SCD5: variants seen among roughly 807,000 people sequenced by gnomAD.
The protein encoded by SCD5 is acyl-CoA-desaturase 4.
SCD5 carries 20 observed loss-of-function variants against 30.4 expected under a neutral mutation model. The ratio of observed to expected loss-of-function variants is 0.66; its 90% CI spans 0.46 to 0.96. SCD5 has a LOEUF of 0.96. Ranked by LOEUF, SCD5 falls within the 40% of genes least tolerant of loss-of-function variation. The pLI, the probability that SCD5 is intolerant of heterozygous loss-of-function variation, is 0.00. For synonymous variants in SCD5, 173 were observed against 176.4 expected, an observed-to-expected ratio of 0.98 and a Z score of 0.16; for missense variants, 381 against 443.3, an observed-to-expected ratio of 0.86 and a Z score of 1.26.
Position 82,747,069 on chromosome 4 carries a change from G to GCCCCCCCCCC in SCD5, c.233-41657_233-41656insGGGGGGGGGG, listed in dbSNP as rs151046123. On this transcript the variant is annotated intron_variant, in intron 1 of 4. Coordinates refer to ENST00000319540, the MANE Select transcript of SCD5 (RefSeq NM_001037582.3). ...AGTTAGAGAAAAGTCTGGGCAACCT[G>GCCCCCCCCCC]CCCCCCAAGAAAGACGACCTTCCCA... Among the ~76,000 whole-genome samples, 726 of 139,042 alleles carry GCCCCCCCCCC rather than the reference G, an allele frequency of 5.2e-3. 28 individuals carry two copies. The highest frequency in any genetic ancestry group is 0.011 in the Middle Eastern group (3 of 262). The allele number at this position is 139,042 out of a possible 152,430, so 91.2% of individuals were successfully genotyped here.
intron 1 of SCD5, among the ~76,000 whole-genome samples, chr4:82,716,047 C>A (rs1446486984): frequency 6.9e-6 from 1 of 145,608 alleles, no homozygotes; most frequent in Non-Finnish European, 1.5e-5. Flanking sequence ...TACAATGATA[C>A]CAAGGCAAGC....
intron 1 of SCD5, chr4:82,753,450 G>GC (rs1560553452): frequency 3.9e-6 from 2 of 514,740 alleles, no homozygotes; most frequent in South Asian, 2.9e-5. Context: ...AAAGCAGTGC[G>GC]CCCCAGAGTC....
chr4:82,785,936 T>C (rs1241554018), intron 1 of SCD5, among the ~76,000 whole-genome samples: 2 of 152,220 alleles, frequency 1.3e-5, no homozygotes, highest in African/African-American at 4.8e-5. Flanking sequence ...AGCTTTATTG[T>C]AACCATCTGC....
At chr4:82,660,949 T>C (rs1017511492) in intron 3 of SCD5, 2 of 1,614,190 alleles carry the variant, frequency 1.2e-6, no homozygotes, top group Admixed American at 1.7e-5. Flanking sequence ...ACAATGAGTA[T>C]GTAACAAAGC....
chr4:82,776,726 A>T (rs1300835444), intron 1 of SCD5, among the ~76,000 whole-genome samples: 1 of 152,234 alleles, frequency 6.6e-6, no homozygotes, highest in Non-Finnish European at 1.5e-5. Context: ...AAGAGGAAGA[A>T]GAAGTTCCAT....
At chr4:82,708,356 C>G (rs1403639756) in intron 1 of SCD5, among the ~76,000 whole-genome samples, 2 of 152,116 alleles carry the variant, frequency 1.3e-5, no homozygotes, top group African/African-American at 2.4e-5. Flanking sequence ...CAGAACAAAG[C>G]AATCAAAAAC....
chr4:82,668,328 G>T (rs778102398), intron 3 of SCD5, among the ~76,000 whole-genome samples: 1 of 152,144 alleles, frequency 6.6e-6, no homozygotes, highest in Non-Finnish European at 1.5e-5. Context: ...ATTGAATGGG[G>T]AGGAGCAAAG....
intron 3 of SCD5, among the ~76,000 whole-genome samples, chr4:82,638,675 G>A (rs568290761): frequency 2.0e-5 from 3 of 152,290 alleles, no homozygotes; most frequent in South Asian, 2.1e-4. Flanking sequence ...TCAGCAAGGC[G>A]CTGTTACATC....
At chr4:82,657,655 T>G (rs1727891554) in intron 3 of SCD5, among the ~76,000 whole-genome samples, 1 of 152,214 alleles carries the variant, frequency 6.6e-6, no homozygotes, top group South Asian at 2.1e-4. Context: ...GGTAGCTTGA[T>G]GGGGATAGCA....
rs1727290182 is a variant in SCD5 at position 82,631,445 on chromosome 4, T to A, written c.875A>T (p.Asn292Ile). Residue 292 changes from asparagine (N) to isoleucine (I), a missense_variant, in exon 5 of 5, where the codon AAC becomes ATC. Physicochemically the swap from Asn to Ile is moderately radical, Grantham distance 149. Transcript: ENST00000319540. Reference sequence around the variant, plus strand: ...GAAATCAATGAACCAGGTGGTTGGGTTAAAATTTAAGCCAAATTCACTCGC... The same window carrying A: ...GAAATCAATGAACCAGGTGGTTGGGATAAAATTTAAGCCAAATTCACTCGC... ...YSASEFGLNF[N>I]PTTWFIDFMC... 1 of 1,614,098 alleles carries A rather than the reference T, an allele frequency of 6.2e-7. No homozygotes were observed. Among genetic ancestry groups the A allele is most frequent in the Non-Finnish European group, 8.5e-7 (1 of 1,180,004 alleles).
chr4:82,746,991 A>C (rs1275959623), intron 1 of SCD5, among the ~76,000 whole-genome samples: 1 of 151,970 alleles, frequency 6.6e-6, no homozygotes, highest in Admixed American at 6.6e-5. Flanking sequence ...ACACACCCAC[A>C]GACCAGCAAC....
At chr4:82,679,220 A>AAAAGAAAGAAAGAAAG (rs796703848) in intron 3 of SCD5, among the ~76,000 whole-genome samples, 3 of 32,224 alleles carry the variant, frequency 9.3e-5, no homozygotes, top group Non-Finnish European at 1.7e-4. Flanking sequence ...AAAAAGAAAG[A>AAAAGAAAGAAAGAAAG]AAAGAAAGAA....
At chr4:82,751,096 G>C (rs1560552714) in intron 1 of SCD5, among the ~76,000 whole-genome samples, 2 of 152,146 alleles carry the variant, frequency 1.3e-5, no homozygotes, top group African/African-American at 2.4e-5. Flanking sequence ...AAAGAGCTGT[G>C]TAAACCCATC....
At chr4:82,702,986 C>T (rs1354836438) in intron 2 of SCD5, among the ~76,000 whole-genome samples, 2 of 152,160 alleles carry the variant, frequency 1.3e-5, no homozygotes, top group Non-Finnish European at 2.9e-5. Context: ...CCACCTAGGT[C>T]TAAGTGACAT....
Position 82,747,407 on chromosome 4 carries a change from T to G in SCD5, c.233-41994A>C, listed in dbSNP as rs976587468. Among the ~76,000 whole-genome samples, 9 of 152,154 alleles carry G rather than the reference T, an allele frequency of 5.9e-5. No individual in the cohort carries two copies. In the South Asian group the frequency reaches 6.2e-4, roughly 10 times the overall value. ...ACAGACTCCCTGGCTCCAAAGCTCA[T>G]CCCTTTCTCTTACCCACTGCTACAA... is the stretch of plus-strand genomic sequence containing the variant. On this transcript the variant is annotated intron_variant, in intron 1 of 4. Transcript: ENST00000319540.
chr4:82,759,272 T>A (rs181014291), intron 1 of SCD5, among the ~76,000 whole-genome samples: 223 of 152,302 alleles, frequency 1.5e-3, no homozygotes, highest in Admixed American at 5.4e-3. Context: ...CAGCACTGCA[T>A]ATCTTGAAGG....
chr4:82,779,647 A>C (rs550641718), intron 1 of SCD5, among the ~76,000 whole-genome samples: 3 of 152,086 alleles, frequency 2.0e-5, no homozygotes, highest in African/African-American at 7.2e-5. Context: ...AACCAGAACA[A>C]CCTCATGCAA....
chr4:82,788,596 G>T (rs944310801), intron 1 of SCD5, among the ~76,000 whole-genome samples: 1 of 152,130 alleles, frequency 6.6e-6, no homozygotes, highest in Non-Finnish European at 1.5e-5. Flanking sequence ...TCGTTATGTT[G>T]GCCAGGCTGG....
rs763047271 is a variant in SCD5 at position 82,705,373 on chromosome 4, A to G, written c.273T>C (p.Ala91=). Residue 91 remains alanine, a synonymous_variant, in exon 2 of 5, where the codon GCT becomes GCC. Transcript: ENST00000319540. ...CFLLAALGVT[A]GAHRLWSHRS... ...TGTGGCTCCACAAGCGATGGGCACC[A>G]GCTGTCACACCCAGAGCGGCCAGGA... 17 of 1,614,122 alleles carry G rather than the reference A, an allele frequency of 1.1e-5. No homozygotes were observed. Among genetic ancestry groups the G allele is most frequent in the Admixed American group, 1.0e-4 (6 of 60,008 alleles).
Sources: gnomAD v4.1 joint callset for allele counts (sites outside exome capture counted in the v4.1 genomes callset) on GRCh38, gnomAD v4.1.1 for gene constraint, MANE v1.5 for transcripts, NCBI Gene and HGNC (gene_info 2026-07-23, HGNC 2026-07-21) for gene names.